The following MAP2K5 variants were observed in gnomAD, a reference collection of about 807,000 sequenced individuals.
The protein encoded by MAP2K5 is mitogen-activated protein kinase kinase 5, also known as dual specificity mitogen-activated protein kinase kinase 5.
Under a neutral mutation model 83.1 loss-of-function variants are expected in MAP2K5, and 49 were observed. The observed-to-expected ratio is 0.59, with a 90% confidence interval of 0.47 to 0.75. The LOEUF (loss-of-function observed/expected upper bound fraction) is 0.75. Ranked by LOEUF, MAP2K5 falls within the 30% of genes least tolerant of loss-of-function variation. The pLI, the probability that MAP2K5 is intolerant of heterozygous loss-of-function variation, is 0.00. For missense variants in MAP2K5, 457 were observed against 557.5 expected, an observed-to-expected ratio of 0.82 and a Z score of 1.82; for synonymous variants, 202 against 191.8, an observed-to-expected ratio of 1.05 and a Z score of -0.44.
In MAP2K5 at chr15:67,777,551, A is replaced by G. The variant is rs1214982170; in HGVS notation, c.1242+4799A>G. 1.3e-5 allele frequency among the ~76,000 whole-genome samples: 2 copies of G among 152,210 alleles called. No homozygotes were observed. Among genetic ancestry groups the G allele is most frequent in the Non-Finnish European group, 2.9e-5 (2 of 68,034 alleles). On this transcript the variant is annotated intron_variant, in intron 21 of 21. Coordinates refer to ENST00000178640, the MANE Select transcript of MAP2K5 (RefSeq NM_145160.3). The surrounding 1 kb of genome is among the most constrained non-coding windows in gnomAD (Gnocchi z 6.0). Reference sequence around the variant, plus strand: ...CGGCTGTGGTAAAAGTACGTATCACATACATATTAAAAACATATACCCATT... The same window carrying G: ...CGGCTGTGGTAAAAGTACGTATCACGTACATATTAAAAACATATACCCATT...
Position 67,573,304 on chromosome 15 carries a change from A to T in MAP2K5, c.253-7450A>T, listed in dbSNP as rs1219149630. ...AGAGGTTTAATTGACACAGTTCTGC[A>T]TGGCTGGGGAGGCCTCAGGAAACTT... On this transcript the variant is annotated intron_variant, in intron 3 of 21. Coordinates refer to ENST00000178640, the MANE Select transcript of MAP2K5 (RefSeq NM_145160.3). This position sits in a 1 kb window ranked among gnomAD's most constrained non-coding sequence, Gnocchi z 4.2. 1.3e-5 allele frequency among the ~76,000 whole-genome samples: 2 copies of T among 152,180 alleles called. No individual in the cohort carries two copies. Among genetic ancestry groups the T allele is most frequent in the African/African-American group, 4.8e-5 (2 of 41,436 alleles).
chr15:67,608,367 T>C (rs1255153462), intron 8 of MAP2K5, among the ~76,000 whole-genome samples: 1 of 152,226 alleles, frequency 6.6e-6, no homozygotes, highest in Admixed American at 6.5e-5. Context: ...TTCATTCATC[T>C]GTCCAGCAGC....
intron 21 of MAP2K5, among the ~76,000 whole-genome samples, chr15:67,806,013 A>T (rs747610044): frequency 3.4e-4 from 51 of 152,200 alleles, no homozygotes; most frequent in Non-Finnish European, 6.5e-4. Flanking sequence ...GAGGCAGGCC[A>T]CAGGGCAACA....
At chr15:67,745,981 T>G (rs943416222) in intron 17 of MAP2K5, among the ~76,000 whole-genome samples, 1 of 152,172 alleles carries the variant, frequency 6.6e-6, no homozygotes, top group African/African-American at 2.4e-5. Context: ...CCTGATAACG[T>G]CTCTCTTTAA....
intron 17 of MAP2K5, among the ~76,000 whole-genome samples, chr15:67,730,442 G>C (rs1044409395): frequency 4.6e-5 from 7 of 152,178 alleles, no homozygotes; most frequent in African/African-American, 1.7e-4. Flanking sequence ...CCCAAGTGCA[G>C]TAGGCAGGAG....
In MAP2K5 at chr15:67,561,831, C is replaced by T. The variant is rs1020366284; in HGVS notation, c.185-1452C>T. Among the ~76,000 whole-genome samples the T allele has an allele frequency of 1.3e-5, 2 of 152,130 alleles. No homozygotes were observed. The highest frequency in any genetic ancestry group is 4.8e-5 in the African/African-American group (2 of 41,440). ...CCTCCTAGGGTCCCCATAGCCTAGT[C>T]ACCAAGCAGGGGGATATCCTTGGAA... On this transcript the variant is annotated intron_variant, in intron 2 of 21. Coordinates refer to ENST00000178640, the MANE Select transcript of MAP2K5 (RefSeq NM_145160.3). This position sits in a 1 kb window ranked among gnomAD's most constrained non-coding sequence, Gnocchi z 4.2.
intron 9 of MAP2K5, among the ~76,000 whole-genome samples, chr15:67,634,339 G>A (rs528914435): frequency 1.7e-5 from 2 of 118,496 alleles, no homozygotes; most frequent in Non-Finnish European, 3.3e-5. Context: ...CTGCATTCTA[G>A]TCTGGGTGAC....
intron 6 of MAP2K5, among the ~76,000 whole-genome samples, chr15:67,590,139 C>A (rs183860205): frequency 1.3e-5 from 2 of 151,910 alleles, no homozygotes; most frequent in African/African-American, 4.8e-5. Context: ...AGTCAAGAAC[C>A]CTTGGATGAA....
chr15:67,579,277 A>G (rs765208111), intron 3 of MAP2K5, among the ~76,000 whole-genome samples: 2 of 152,192 alleles, frequency 1.3e-5, no homozygotes, highest in Non-Finnish European at 2.9e-5. Context: ...GCCGAGGACA[A>G]GTCATTTTCG....
At position 67,606,435 on chromosome 15, in the gene MAP2K5, C is replaced by T. The variant is rs1292692568; in HGVS notation, c.545+5686C>T. Reference sequence around the variant, plus strand: ...ATACAATGGGTAGTATATATACTGCCTTCATGGTGTTTTGAAGGTTGAATG... The same window carrying T: ...ATACAATGGGTAGTATATATACTGCTTTCATGGTGTTTTGAAGGTTGAATG... On this transcript the variant is annotated intron_variant, in intron 8 of 21. Transcript: ENST00000178640. 4.6e-5 allele frequency among the ~76,000 whole-genome samples: 7 copies of T among 152,100 alleles called. No homozygotes were observed. The East Asian group carries it at 5.8e-4, about 13-fold the overall frequency.
Position 67,555,929 on chromosome 15 carries a change from A to G in MAP2K5, c.184+5847A>G, listed in dbSNP as rs948973380. Among the ~76,000 whole-genome samples, 2 of 151,952 alleles carry G rather than the reference A, an allele frequency of 1.3e-5. No homozygotes were observed. Among genetic ancestry groups the G allele is most frequent in the African/African-American group, 4.8e-5 (2 of 41,362 alleles). On this transcript the variant is annotated intron_variant, in intron 2 of 21. Coordinates refer to ENST00000178640, the MANE Select transcript of MAP2K5 (RefSeq NM_145160.3). This position sits in a 1 kb window ranked among gnomAD's most constrained non-coding sequence, Gnocchi z 5.2. Reference sequence around the variant, plus strand: ...CTCCCAAGTAGCTAGGACTACAGGCATGCGCCACCACACCCGGCTAATTTT... The same window carrying G: ...CTCCCAAGTAGCTAGGACTACAGGCGTGCGCCACCACACCCGGCTAATTTT...
chr15:67,754,571 C>A (rs2089790047), intron 19 of MAP2K5, among the ~76,000 whole-genome samples: 1 of 152,112 alleles, frequency 6.6e-6, no homozygotes, highest in Non-Finnish European at 1.5e-5. Context: ...ATGTTAAAAA[C>A]TATAATAAAG....
At chr15:67,667,696 A>G (rs985185061) in intron 13 of MAP2K5, among the ~76,000 whole-genome samples, 1 of 152,240 alleles carries the variant, frequency 6.6e-6, no homozygotes, top group Non-Finnish European at 1.5e-5. Context: ...CACAAATTTC[A>G]AAAGATTAAG....
At chr15:67,546,157 A>C (rs1315440644) in intron 1 of MAP2K5, 1 of 152,116 alleles carries the variant, frequency 6.6e-6, no homozygotes, top group African/African-American at 2.4e-5. Context: ...ATCATGGCAG[A>C]CTCCTGTGAT....
chr15:67,645,589 T>C (rs1010851041), intron 9 of MAP2K5, among the ~76,000 whole-genome samples: 1 of 152,196 alleles, frequency 6.6e-6, no homozygotes, highest in African/African-American at 2.4e-5. Context: ...GATTTCTCTC[T>C]TTCACCCAGG....
At position 67,719,194 on chromosome 15, in the gene MAP2K5, G is replaced by C. The variant is rs1265731577; in HGVS notation, c.1045-8722G>C. ...TAAGTCATCTAAATTCATCATAATG[G>C]TTAAATATGTGAAAATGGTAGCTAC... On this transcript the variant is annotated intron_variant, in intron 16 of 21. Coordinates refer to ENST00000178640, the MANE Select transcript of MAP2K5 (RefSeq NM_145160.3). The surrounding 1 kb of genome is among the most constrained non-coding windows in gnomAD (Gnocchi z 4.6). Among the ~76,000 whole-genome samples, 1 of 151,972 alleles carries C rather than the reference G, an allele frequency of 6.6e-6. No individual in the cohort carries two copies. The highest frequency in any genetic ancestry group is 1.9e-4 in the East Asian group (1 of 5,196).
At position 67,668,463 on chromosome 15, in the gene MAP2K5, T is replaced by C. The variant is rs1364812461; in HGVS notation, c.847+3818T>C. ...CTATAAGCATAGCATGTGCTGACTA[T>C]GGGTAAAAACAAAGAAAATGAACAG... On this transcript the variant is annotated intron_variant, in intron 13 of 21. Transcript: ENST00000178640. This position sits in a 1 kb window ranked among gnomAD's most constrained non-coding sequence, Gnocchi z 4.0. Among the ~76,000 whole-genome samples the C allele has an allele frequency of 1.3e-5, 2 of 152,156 alleles. No homozygotes were observed. The highest frequency in any genetic ancestry group is 1.9e-4 in the East Asian group (1 of 5,198).
intron 13 of MAP2K5, among the ~76,000 whole-genome samples, chr15:67,673,766 A>C (rs1430347210): frequency 6.6e-6 from 1 of 152,222 alleles, no homozygotes; most frequent in Non-Finnish European, 1.5e-5. Flanking sequence ...AGATCTACAT[A>C]GTTTGTGATT....
At chr15:67,651,825 G>A (rs2086963583) in intron 11 of MAP2K5, among the ~76,000 whole-genome samples, 1 of 152,148 alleles carries the variant, frequency 6.6e-6, no homozygotes, top group African/African-American at 2.4e-5. Flanking sequence ...AAACATTAGA[G>A]TGCACATATC....
Sources: gnomAD v4.1 joint callset for allele counts (sites outside exome capture counted in the v4.1 genomes callset) on GRCh38, gnomAD v4.1.1 for gene constraint, Gnocchi (gnomAD v3.1) non-coding constraint, MANE v1.5 for transcripts, NCBI Gene and HGNC (gene_info 2026-07-23, HGNC 2026-07-21) for gene names.